Variants in PALS1 observed in about 807,000 individuals in gnomAD.
PALS1 encodes the protein protein associated with LIN7 1, MAGUK p55 family member, also known as protein PALS1.
PALS1 carries 31 observed loss-of-function variants against 78.9 expected under a neutral mutation model. That is an observed-to-expected ratio of 0.39 (90% CI 0.30 to 0.53). PALS1 has a LOEUF of 0.53. Among genes scored for constraint, PALS1 ranks in the 20% least tolerant of loss-of-function variants. The pLI is 0.67. For missense variants in PALS1, 704 were observed against 826.5 expected (o/e 0.85, Z 1.82); for synonymous variants, 276 against 270.9 (o/e 1.02, Z -0.18).
intron 1 of PALS1, among the ~76,000 whole-genome samples, chr14:67,242,326 G>C (rs987749485): frequency 9.8e-5 from 15 of 152,290 alleles, no homozygotes; most frequent in African/African-American, 3.6e-4. Flanking sequence ...AGTATGGAGT[G>C]TGTGTTTTGT....
chr14:67,291,255 G>A (rs186497467), intron 3 of PALS1, among the ~76,000 whole-genome samples: 161 of 151,134 alleles, frequency 1.1e-3, no homozygotes, highest in African/African-American at 3.7e-3. Flanking sequence ...TTGAGATGGA[G>A]TCTTGCTCTG....
rs150262604 is a variant in PALS1, at chr14:67,247,175, G to A, written c.-237+5642G>A. ...TAATAATTTGAGTCTTCTCATCTAT[G>A]AACATGCTATTTCTTTCCATTTATG... is the stretch of plus-strand genomic sequence containing the variant. On this transcript the variant is annotated intron_variant, in intron 1 of 14. Transcript: ENST00000261681. Among the ~76,000 whole-genome samples, 989 of 152,234 alleles carry A rather than the reference G, an allele frequency of 6.5e-3. 6 individuals carry two copies. Among genetic ancestry groups the A allele is most frequent in the Non-Finnish European group, 8.0e-3 (546 of 68,016 alleles).
intron 1 of PALS1, among the ~76,000 whole-genome samples, chr14:67,260,612 A>T (rs1307577662): frequency 1.3e-5 from 2 of 152,208 alleles, no homozygotes; most frequent in Non-Finnish European, 2.9e-5. Context: ...AGGATACTTG[A>T]TGGAAGAGGA....
At chr14:67,329,297 G>A (rs1465483909) in intron 14 of PALS1, among the ~76,000 whole-genome samples, 1 of 152,144 alleles carries the variant, frequency 6.6e-6, no homozygotes, top group Non-Finnish European at 1.5e-5. Flanking sequence ...TTGATGTATA[G>A]GAATGCTTGT....
chr14:67,297,681 A>T (rs2084877381), intron 4 of PALS1, among the ~76,000 whole-genome samples: 1 of 150,074 alleles, frequency 6.7e-6, no homozygotes, highest in South Asian at 2.1e-4. Flanking sequence ...TTATAGAAAT[A>T]TTTAAGTAGA....
chr14:67,279,709 C>A, intron 3 of PALS1, 172 bp downstream of exon 3: 1 of 540,386 alleles, frequency 1.9e-6, no homozygotes, highest in Non-Finnish European at 3.0e-6. Flanking sequence ...TTACTGTTAC[C>A]AACATAGAGC....
chr14:67,315,926 A>G (rs574671083), intron 9 of PALS1, among the ~76,000 whole-genome samples: 2 of 152,266 alleles, frequency 1.3e-5, no homozygotes, highest in Non-Finnish European at 2.9e-5. Context: ...CTTCGTCTCA[A>G]AAGATAACCA....
In PALS1 at chr14:67,331,053, T is replaced by C. The variant is rs553785963; in HGVS notation, c.1852-1727T>C. On this transcript the variant is annotated intron_variant, in intron 14 of 14. Coordinates refer to ENST00000261681, the MANE Select transcript of PALS1 (RefSeq NM_022474.4). ...GTTTTTTTCTCCTGTGATATTTCTT[T>C]CTTTTTTTTGAGACAGAGTCTCACT... is the stretch of plus-strand genomic sequence containing the variant. Among the ~76,000 whole-genome samples, 5 of 152,246 alleles carry C rather than the reference T, an allele frequency of 3.3e-5. 1 individual carries two copies. In the South Asian group the frequency reaches 1.0e-3, roughly 32 times the overall value.
chr14:67,252,384 G>T (rs1447803449), intron 1 of PALS1, among the ~76,000 whole-genome samples: 5 of 152,018 alleles, frequency 3.3e-5, no homozygotes, highest in Non-Finnish European at 7.4e-5. Flanking sequence ...TAAACTCCTG[G>T]TCTCCAGCAG....
At chr14:67,281,324 C>T (rs1213919912) in intron 3 of PALS1, among the ~76,000 whole-genome samples, 1 of 152,122 alleles carries the variant, frequency 6.6e-6, no homozygotes, top group Non-Finnish European at 1.5e-5. Flanking sequence ...TGTGTTCAGT[C>T]ATAGTGAAGT....
At chr14:67,251,082 A>G (rs2084056240) in intron 1 of PALS1, among the ~76,000 whole-genome samples, 1 of 152,218 alleles carries the variant, frequency 6.6e-6, no homozygotes, top group African/African-American at 2.4e-5. Context: ...ATTATAAGTG[A>G]TAGAAAGGAG....
At chr14:67,247,815 G>GCGATCTGCCCACCTCAGCCTCC (rs2084009443) in intron 1 of PALS1, among the ~76,000 whole-genome samples, 1 of 152,090 alleles carries the variant, frequency 6.6e-6, no homozygotes, top group Non-Finnish European at 1.5e-5. Context: ...CTGGGCTCAA[G>GCGATCTGCCCACCTCAGCCTCC]CGATCTGCCC....
At chr14:67,297,301 G>A (rs1384200289) in intron 4 of PALS1, among the ~76,000 whole-genome samples, 1 of 152,106 alleles carries the variant, frequency 6.6e-6, no homozygotes, top group African/African-American at 2.4e-5. Context: ...TAGGAACAGG[G>A]AAAATATGAA....
chr14:67,269,536 A>C (rs1221018707), intron 1 of PALS1, among the ~76,000 whole-genome samples, 165 bp from the exon 2 acceptor site: 2 of 152,182 alleles, frequency 1.3e-5, no homozygotes, highest in Non-Finnish European at 2.9e-5. Flanking sequence ...TGTCCATTAG[A>C]TACAGGGGTC....
intron 10 of PALS1, among the ~76,000 whole-genome samples, chr14:67,317,141 A>G (rs1427683611): frequency 6.6e-6 from 1 of 152,242 alleles, no homozygotes; most frequent in Non-Finnish European, 1.5e-5. Context: ...GTCTTTATAC[A>G]AACAGTGTAA....
rs192954605 is a variant in PALS1, at chr14:67,253,556, G to A, written c.-237+12023G>A. 6.4e-4 allele frequency among the ~76,000 whole-genome samples: 97 copies of A among 152,228 alleles called. 7 individuals are homozygous for A. In the East Asian group the frequency reaches 8.3e-3, roughly 13 times the overall value. Reference sequence around the variant, plus strand: ...TTTTTAAATAGACTTTAAAAATGACGTAGTTAGGCCAGGCGCAGCAGCTTA... The same window carrying A: ...TTTTTAAATAGACTTTAAAAATGACATAGTTAGGCCAGGCGCAGCAGCTTA... On this transcript the variant is annotated intron_variant, in intron 1 of 14. Transcript: ENST00000261681.
chr14:67,243,626 G>A (rs1033351626), intron 1 of PALS1, among the ~76,000 whole-genome samples: 1 of 150,564 alleles, frequency 6.6e-6, no homozygotes, highest in Non-Finnish European at 1.5e-5. Flanking sequence ...CCGAGTAGTT[G>A]GGACTACAGG....
rs139724294 is a variant in PALS1, at chr14:67,315,882, G to A, written c.1226-950G>A. 4.2e-3 allele frequency among the ~76,000 whole-genome samples: 647 copies of A among 152,332 alleles called. 7 individuals are homozygous for A. The highest frequency in any genetic ancestry group is 0.013 in the Admixed American group (192 of 15,304). On this transcript the variant is annotated intron_variant, in intron 9 of 14. Coordinates refer to ENST00000261681, the MANE Select transcript of PALS1 (RefSeq NM_022474.4). ...GGAGGTTGCGGTGAGCCAAGATTGC[G>A]CCACTGCACTCCAGCCTGGGTGACA...
At chr14:67,253,291 A>G (rs1264257763) in intron 1 of PALS1, among the ~76,000 whole-genome samples, 1 of 152,234 alleles carries the variant, frequency 6.6e-6, no homozygotes, top group African/African-American at 2.4e-5. Context: ...TAGATAAGAG[A>G]TAGGAGTTGT....
Sources: gnomAD v4.1 joint callset for allele counts (sites outside exome capture counted in the v4.1 genomes callset) on GRCh38, gnomAD v4.1.1 for gene constraint, MANE v1.5 for transcripts, NCBI Gene and HGNC (gene_info 2026-07-23, HGNC 2026-07-21) for gene names.